TANGO6: variants seen among roughly 807,000 people sequenced by gnomAD.
TANGO6 encodes transport and golgi organization 6 homolog, also known as transport and Golgi organization protein 6 homolog.
Under a neutral mutation model 114.2 loss-of-function variants are expected in TANGO6, and 90 were observed. That is an observed-to-expected ratio of 0.79 (90% CI 0.66 to 0.94). The LOEUF (loss-of-function observed/expected upper bound fraction) is 0.94, where lower values mean the gene tolerates loss of function less well. Ranked by LOEUF, TANGO6 falls within the 40% of genes least tolerant of loss-of-function variation. TANGO6 has a pLI of 0.00. For synonymous variants in TANGO6, 477 were observed against 509.8 expected (o/e 0.94, Z 0.87); for missense variants, 1,274 against 1,315.3 (o/e 0.97, Z 0.49).
intron 15 of TANGO6, among the ~76,000 whole-genome samples, chr16:69,019,295 A>G (rs9933071): frequency 0.097 from 14,758 of 152,264 alleles, 892 homozygotes; most frequent in African/African-American, 0.16. Context: ...TGAGATGACA[A>G]TTCAAATCTC....
At chr16:68,913,814 T>C (rs1335084927) in intron 11 of TANGO6, among the ~76,000 whole-genome samples, 1 of 151,460 alleles carries the variant, frequency 6.6e-6, no homozygotes, top group African/African-American at 2.4e-5. Flanking sequence ...AAAAATGGAG[T>C]TGAATTTAGA....
intron 17 of TANGO6, among the ~76,000 whole-genome samples, chr16:69,048,203 C>T (rs1212848516): frequency 2.0e-5 from 3 of 151,618 alleles, no homozygotes; most frequent in Non-Finnish European, 2.9e-5. Flanking sequence ...GTGCCTGAGC[C>T]TCTTGACTAG....
At chr16:69,007,156 A>C (rs1964098685) in intron 15 of TANGO6, 1 of 151,994 alleles carries the variant, frequency 6.6e-6, no homozygotes, top group South Asian at 2.1e-4. Flanking sequence ...AGGCAAGCAC[A>C]GTGTTTTCAA....
intron 15 of TANGO6, among the ~76,000 whole-genome samples, chr16:69,002,364 T>A (rs765573340): frequency 1.3e-5 from 2 of 152,150 alleles, no homozygotes; most frequent in Non-Finnish European, 2.9e-5. Context: ...CCAAATCTCA[T>A]CTTGAATTGT....
chr16:68,944,480 G>C (rs898557275), intron 14 of TANGO6, among the ~76,000 whole-genome samples: 1 of 152,138 alleles, frequency 6.6e-6, no homozygotes, highest in African/African-American at 2.4e-5. Flanking sequence ...AGGAGGAAAA[G>C]AGTCCTCCCC....
chr16:69,020,086 G>T (rs1026705741), intron 15 of TANGO6, among the ~76,000 whole-genome samples: 3 of 152,064 alleles, frequency 2.0e-5, no homozygotes, highest in Non-Finnish European at 2.9e-5. Context: ...AAACCTAGAT[G>T]ATATTATATT....
intron 14 of TANGO6, among the ~76,000 whole-genome samples, chr16:68,938,197 T>C (rs953882754): frequency 6.6e-6 from 1 of 152,206 alleles, no homozygotes; most frequent in African/African-American, 2.4e-5. Context: ...AAGGAAGAAT[T>C]GTAATTTGGT....
intron 15 of TANGO6, among the ~76,000 whole-genome samples, chr16:68,983,198 G>A (rs1963856732): frequency 6.6e-6 from 1 of 151,980 alleles, no homozygotes; most frequent in Non-Finnish European, 1.5e-5. Flanking sequence ...CCCCAGTTTG[G>A]GTCGGAAATC....
intron 14 of TANGO6, among the ~76,000 whole-genome samples, chr16:68,942,244 C>A (rs1387295258): frequency 1.3e-5 from 2 of 151,918 alleles, no homozygotes; most frequent in Non-Finnish European, 2.9e-5. Flanking sequence ...ATCTCTTGAA[C>A]CCGGGAGGCA....
At chr16:69,055,779 G>A (rs1172709034) in intron 17 of TANGO6, among the ~76,000 whole-genome samples, 1 of 152,264 alleles carries the variant, frequency 6.6e-6, no homozygotes, top group Non-Finnish European at 1.5e-5. Context: ...TGTCACGCCT[G>A]TAATCCCAGC....
intron 16 of TANGO6, among the ~76,000 whole-genome samples, chr16:69,038,598 A>G (rs1959727151): frequency 6.6e-6 from 1 of 152,128 alleles, no homozygotes. Flanking sequence ...CTTCATTGAG[A>G]TTTTAAAACA....
At chr16:68,903,337 G>C (rs1567535845) in intron 9 of TANGO6, among the ~76,000 whole-genome samples, 1 of 152,120 alleles carries the variant, frequency 6.6e-6, no homozygotes, top group East Asian at 1.9e-4. Flanking sequence ...AGATGTTTTT[G>C]GCCAGGCACG....
chr16:68,853,785 G>A (rs544378240), intron 1 of TANGO6, among the ~76,000 whole-genome samples: 19 of 152,250 alleles, frequency 1.2e-4, no homozygotes, highest in African/African-American at 4.3e-4. Flanking sequence ...GTTGCTTCAC[G>A]TCATTTGGTA....
rs1291932299 is a variant in TANGO6, at chr16:68,980,435, A to ATTT, written c.2842+6282_2842+6284dup. 1.7e-3 allele frequency among the ~76,000 whole-genome samples: 102 copies of ATTT among 61,778 alleles called. 2 individuals carry two copies. The highest frequency in any genetic ancestry group is 6.3e-3 in the African/African-American group (88 of 13,932). The allele number at this position is 61,778 out of a possible 152,430, so 40.5% of individuals were successfully genotyped here. A position where few individuals can be genotyped will look rare whatever the true frequency, so the allele number is the denominator to read the frequency against. On this transcript the variant is annotated intron_variant, in intron 15 of 17. Transcript: ENST00000261778. ...TATATATATATATATATATATATAT[A>ATTT]TTTTTTTTTTTTTTTTTGAGATAGG...
chr16:68,937,717 A>G (rs892652328), intron 14 of TANGO6: 1 of 152,056 alleles, frequency 6.6e-6, no homozygotes, highest in Admixed American at 6.6e-5. Context: ...TTATGACTTC[A>G]TTCCTTTTTA....
chr16:68,876,084 T>C (rs1962352368), intron 5 of TANGO6, among the ~76,000 whole-genome samples: 1 of 152,214 alleles, frequency 6.6e-6, no homozygotes, highest in Admixed American at 6.5e-5. Flanking sequence ...TATGTGCATA[T>C]GTTAATGTAT....
chr16:68,894,131 T>C (rs1962672064), intron 7 of TANGO6, among the ~76,000 whole-genome samples: 2 of 152,368 alleles, frequency 1.3e-5, no homozygotes, highest in South Asian at 2.1e-4. Context: ...TTTAGTGCAT[T>C]GTTTGGCTAT....
At chr16:68,975,984 G>A (rs913831882) in intron 15 of TANGO6, among the ~76,000 whole-genome samples, 1 of 152,080 alleles carries the variant, frequency 6.6e-6, no homozygotes, top group African/African-American at 2.4e-5. Flanking sequence ...GCCCACATTG[G>A]AGTTCATTGG....
chr16:68,933,902 G>C (rs1441127899), intron 14 of TANGO6: 4 of 152,298 alleles, frequency 2.6e-5, no homozygotes, highest in African/African-American at 9.6e-5. Flanking sequence ...GAGCACAAAG[G>C]TAAGTGCAGG....
Sources: allele counts gnomAD v4.1 joint callset (sites outside exome capture counted in the v4.1 genomes callset), GRCh38; gene constraint gnomAD v4.1.1; transcripts MANE v1.5; gene names NCBI Gene and HGNC (gene_info 2026-07-23, HGNC 2026-07-21).